Variants in DACH1 observed in about 807,000 individuals in gnomAD.
DACH1 encodes dachshund homolog 1.
Under a neutral mutation model 54.2 loss-of-function variants are expected in DACH1, and 12 were observed. The observed-to-expected ratio is 0.22, with a 90% CI of 0.14 to 0.36. The LOEUF (loss-of-function observed/expected upper bound fraction) is 0.36. Among genes scored for constraint, DACH1 ranks in the 10% least tolerant of loss-of-function variants. The pLI is 1.00. For synonymous variants in DACH1, 386 were observed against 366.2 expected (o/e 1.05, Z -0.62); for missense variants, 805 against 929.8 (o/e 0.87, Z 1.75).
chr13:71,854,542 G>A (rs1873877585), intron 1 of DACH1, among the ~76,000 whole-genome samples: 1 of 151,952 alleles, frequency 6.6e-6, no homozygotes, highest in Admixed American at 6.6e-5. Context: ...CAGTTCATGT[G>A]GTGTGTAACA....
chr13:71,728,616 C>T (rs1369407470), intron 1 of DACH1, among the ~76,000 whole-genome samples: 3 of 152,078 alleles, frequency 2.0e-5, no homozygotes, highest in South Asian at 4.1e-4. Flanking sequence ...TCATTAGCAT[C>T]CCCAATTTAT....
chr13:71,830,273 G>A (rs565373003), intron 1 of DACH1, among the ~76,000 whole-genome samples: 7 of 151,934 alleles, frequency 4.6e-5, no homozygotes, highest in East Asian at 1.9e-4. Context: ...TCAAGTTAGC[G>A]TAAATTAGAA....
chr13:71,685,066 T>C (rs1881094552), intron 1 of DACH1, among the ~76,000 whole-genome samples: 1 of 152,196 alleles, frequency 6.6e-6, no homozygotes, highest in Non-Finnish European at 1.5e-5. Context: ...GTTTTGATTT[T>C]AAAGAAAATC....
chr13:71,460,063 CAAAGA>C (rs1474703090), intron 10 of DACH1, among the ~76,000 whole-genome samples: 1 of 151,920 alleles, frequency 6.6e-6, no homozygotes, highest in Admixed American at 6.6e-5. Flanking sequence ...AATTTTCTCA[CAAAGA>C]AAAGAGTCAT....
At chr13:71,636,176 C>T (rs1877477597) in intron 2 of DACH1, among the ~76,000 whole-genome samples, 1 of 152,062 alleles carries the variant, frequency 6.6e-6, no homozygotes, top group Non-Finnish European at 1.5e-5. Flanking sequence ...TGATGTTCTC[C>T]AAGCCCACAT....
At chr13:71,811,662 C>A (rs2138152086) in intron 1 of DACH1, among the ~76,000 whole-genome samples, 1 of 152,322 alleles carries the variant, frequency 6.6e-6, no homozygotes, top group Non-Finnish European at 1.5e-5. Flanking sequence ...ATATCCCCCT[C>A]ATTCTCTACC....
intron 1 of DACH1, among the ~76,000 whole-genome samples, chr13:71,838,290 G>A (rs529463379): frequency 7.9e-5 from 12 of 152,100 alleles, no homozygotes; most frequent in Non-Finnish European, 1.0e-4. Flanking sequence ...CAATAGTAAC[G>A]AATTTCATAA....
intron 1 of DACH1, among the ~76,000 whole-genome samples, chr13:71,723,182 G>T (rs540851256): frequency 6.6e-6 from 1 of 151,282 alleles, no homozygotes; most frequent in Non-Finnish European, 1.5e-5. Flanking sequence ...CAAAAGGATC[G>T]CTTGAGCCCA....
intron 7 of DACH1, 146 bp from the exon 8 acceptor site, chr13:71,479,462 T>C (rs905341691): frequency 1.5e-6 from 1 of 653,616 alleles, no homozygotes; most frequent in East Asian, 2.8e-5. Flanking sequence ...GAACAAATAC[T>C]ATAACTAAAG....
chr13:71,713,600 G>A (rs1396836727), intron 1 of DACH1, among the ~76,000 whole-genome samples: 2 of 152,130 alleles, frequency 1.3e-5, no homozygotes, highest in Admixed American at 6.6e-5. Context: ...AGGTAACACT[G>A]TATGAAATTT....
intron 1 of DACH1, among the ~76,000 whole-genome samples, chr13:71,711,762 G>A (rs772610515): frequency 1.3e-5 from 2 of 152,072 alleles, no homozygotes; most frequent in Non-Finnish European, 2.9e-5. Flanking sequence ...AGACTAGCAC[G>A]AATGTTATTT....
rs1877018675 is a variant in DACH1, at chr13:71,630,586, A to C, written c.1096T>G (p.Ser366Ala). The change falls in exon 3 of 11, where the codon TCT becomes GCT. Residue 366 changes from serine to alanine, a missense_variant. Around this residue, in one of 3 missense-constraint regions of DACH1, gnomAD observed 472 missense variants for 545.3 expected, o/e 0.87. Coordinates refer to ENST00000613252, the MANE Select transcript of DACH1 (RefSeq NM_080759.6). Reference sequence around the variant, plus strand: ...CTTGAATTCATGTCCCCGTTTTCAGAGTCTGCTCCATGTTGGTTATTACTG... The same window carrying C: ...CTTGAATTCATGTCCCCGTTTTCAGCGTCTGCTCCATGTTGGTTATTACTG... ...HASNNQHGAD[S>A]ENGDMNSSVG... 1 of 1,596,774 alleles carries C rather than the reference A, an allele frequency of 6.3e-7. No homozygotes were observed. Among genetic ancestry groups the C allele is most frequent in the African/African-American group, 1.4e-5 (1 of 73,870 alleles).
chr13:71,445,332 T>C (rs1206119555), intron 10 of DACH1, among the ~76,000 whole-genome samples: 1 of 152,212 alleles, frequency 6.6e-6, no homozygotes, highest in African/African-American at 2.4e-5. Flanking sequence ...TTCATAAGCA[T>C]CTTTACCATG....
At chr13:71,864,816 TC>T (rs1367503162) in intron 1 of DACH1, among the ~76,000 whole-genome samples, 2 of 149,020 alleles carry the variant, frequency 1.3e-5, no homozygotes, top group East Asian at 4.1e-4. Context: ...TGGGGACCGG[TC>T]CCGCCGCCTC....
At chr13:71,488,680 T>C (rs1878738025) in intron 7 of DACH1, among the ~76,000 whole-genome samples, 1 of 151,826 alleles carries the variant, frequency 6.6e-6, no homozygotes, top group Admixed American at 6.6e-5. Flanking sequence ...CAGACAAACT[T>C]AAACAGTTAA....
chr13:71,730,992 G>A (rs958652199), intron 1 of DACH1, among the ~76,000 whole-genome samples: 3 of 151,366 alleles, frequency 2.0e-5, no homozygotes, highest in Non-Finnish European at 4.4e-5. Context: ...TTTTTCAAAC[G>A]GAATACAGTT....
At chr13:71,667,695 T>C (rs1879931739) in intron 2 of DACH1, among the ~76,000 whole-genome samples, 2 of 152,124 alleles carry the variant, frequency 1.3e-5, no homozygotes, top group South Asian at 4.1e-4. Flanking sequence ...AGACAACTCA[T>C]ATGGACAGGT....
chr13:71,550,707 T>C (rs1883758864), intron 6 of DACH1, among the ~76,000 whole-genome samples: 1 of 152,130 alleles, frequency 6.6e-6, no homozygotes, highest in East Asian at 1.9e-4. Context: ...GCTTTGCATA[T>C]GAAATCTGCT....
chr13:71,730,574 AG>A (rs1330288186), intron 1 of DACH1, among the ~76,000 whole-genome samples: 1 of 152,122 alleles, frequency 6.6e-6, no homozygotes, highest in African/African-American at 2.4e-5. Flanking sequence ...ATATTGTGTG[AG>A]CATGTACATA....
Sources: gnomAD v4.1 joint callset for allele counts (sites outside exome capture counted in the v4.1 genomes callset) on GRCh38, gnomAD v4.1.1 for gene constraint, gnomAD v4.1.1 regional missense constraint, MANE v1.5 for transcripts, NCBI Gene and HGNC (gene_info 2026-07-23, HGNC 2026-07-21) for gene names.